The following ANKFN1 variants were observed in gnomAD, a reference collection of about 807,000 sequenced individuals.
The protein encoded by ANKFN1 is ankyrin repeat and fibronectin type-III domain-containing protein 1.
In ANKFN1, 74 loss-of-function variants were observed where a neutral mutation model predicts 108.7. That is an observed-to-expected ratio of 0.68 (90% CI 0.56 to 0.83). The LOEUF is 0.83. ANKFN1 is among the 40% of genes least tolerant of loss of function. The pLI is 0.00. For synonymous variants in ANKFN1, 547 were observed against 516.2 expected (o/e 1.06, Z -0.81); for missense variants, 1,505 against 1,382.3 (o/e 1.09, Z -1.41).
chr17:56,279,039 T>G (rs1033520275), intron 3 of ANKFN1, among the ~76,000 whole-genome samples: 4 of 152,238 alleles, frequency 2.6e-5, no homozygotes, highest in African/African-American at 9.6e-5. Flanking sequence ...GTTTTTCTTC[T>G]TTAGTAAGAT....
intron 3 of ANKFN1, among the ~76,000 whole-genome samples, chr17:56,238,076 T>C (rs1917289230): frequency 6.6e-6 from 1 of 152,196 alleles, no homozygotes; most frequent in African/African-American, 2.4e-5. Context: ...TTCCATGTAA[T>C]TGCATGACTT....
At chr17:56,120,364 A>T (rs913024852) in intron 4 of ANKFN1, among the ~76,000 whole-genome samples, 11 of 152,100 alleles carry the variant, frequency 7.2e-5, no homozygotes, top group Admixed American at 7.2e-4. Context: ...TTGATCTATG[A>T]TATTTTCTCC....
At chr17:56,370,656 C>T (rs949996227) in intron 6 of ANKFN1, among the ~76,000 whole-genome samples, 5 of 152,078 alleles carry the variant, frequency 3.3e-5, no homozygotes, top group Non-Finnish European at 7.4e-5. Flanking sequence ...AATTAATCAA[C>T]CTGAAAACTG....
intron 1 of ANKFN1, among the ~76,000 whole-genome samples, chr17:56,154,453 C>T (rs1306415986): frequency 6.6e-6 from 1 of 152,096 alleles, no homozygotes; most frequent in African/African-American, 2.4e-5. Context: ...GAGGCCAGAG[C>T]ACCGTTCAGT....
intron 18 of ANKFN1, among the ~76,000 whole-genome samples, chr17:56,484,737 CA>C (rs1391443602): frequency 6.6e-6 from 1 of 152,174 alleles, no homozygotes; most frequent in Non-Finnish European, 1.5e-5. Flanking sequence ...ATATAATTGA[CA>C]GAGAAAAGAA....
intron 3 of ANKFN1, among the ~76,000 whole-genome samples, chr17:56,285,600 A>G (rs2044193768): frequency 6.6e-6 from 1 of 152,014 alleles, no homozygotes; most frequent in South Asian, 2.1e-4. Flanking sequence ...CTGTCATTAA[A>G]ACTGGGCTCC....
In ANKFN1 at chr17:56,479,781, A is replaced by T. The variant is rs1021835032; in HGVS notation, c.1941-887A>T. On this transcript the variant is annotated intron_variant, in intron 16 of 20. Coordinates refer to ENST00000682825, the MANE Select transcript of ANKFN1 (RefSeq NM_001370326.1). The stretch of plus-strand genomic sequence containing the variant: ...ACCTCCTCTCTTTCCATCCCCTGAG[A>T]GGAGGGCTTTCCTTTCCTCTCTAGC... 2.0e-5 allele frequency among the ~76,000 whole-genome samples: 3 copies of T among 152,286 alleles called. No homozygotes were observed. The South Asian group carries it at 6.2e-4, about 32-fold the overall frequency.
Position 56,302,453 on chromosome 17 carries a change from T to A in ANKFN1, c.54-23768T>A, listed in dbSNP as rs376087394. 1.3e-4 allele frequency among the ~76,000 whole-genome samples: 18 copies of A among 142,942 alleles called. No individual in the cohort carries two copies. The East Asian group carries it at 1.6e-3, about 13-fold the overall frequency. 93.8% of individuals were successfully genotyped at this position (142,942 alleles called of 152,430 possible). A position where few individuals can be genotyped will look rare whatever the true frequency, so the allele number is the denominator to read the frequency against. ...TTGCTTGAGCCCAGGAGTTTAAAGC[T>A]GCAGTGAGCCATAATCACATCACTG... On this transcript the variant is annotated intron_variant, in intron 3 of 20. Coordinates refer to ENST00000682825, the MANE Select transcript of ANKFN1 (RefSeq NM_001370326.1).
chr17:56,160,027 G>A (rs1909498676), intron 1 of ANKFN1, among the ~76,000 whole-genome samples: 1 of 152,174 alleles, frequency 6.6e-6, no homozygotes, highest in Non-Finnish European at 1.5e-5. Context: ...TGTTTGCAGG[G>A]CAAAATAGTC....
Position 56,322,505 on chromosome 17 carries a change from ATGGTGTTCGAGCTCTCCCC to A in ANKFN1, c.54-3715_54-3697del, listed in dbSNP as rs2045400393. On this transcript the variant is annotated intron_variant, in intron 3 of 20. Coordinates refer to ENST00000682825, the MANE Select transcript of ANKFN1 (RefSeq NM_001370326.1). ...TGGCATAACATCCAAACTCTTTAAC[ATGGTGTTCGAGCTCTCCCC>A]AATTTAGCTCCTGCTTACTTTTTGA... 2.0e-5 allele frequency among the ~76,000 whole-genome samples: 3 copies of A among 152,176 alleles called. No homozygotes were observed. The South Asian group carries it at 6.2e-4, about 32-fold the overall frequency.
At chr17:56,211,414 A>T (rs145624226) in intron 1 of ANKFN1, among the ~76,000 whole-genome samples, 2,414 of 152,224 alleles carry the variant, frequency 0.016, 52 homozygotes, top group African/African-American at 0.055. Flanking sequence ...GGTGAACGTA[A>T]GTATTTAGCT....
At position 56,466,579 on chromosome 17, in the gene ANKFN1, G is replaced by A. The variant is rs759840995; in HGVS notation, c.1773+8G>A. Reference sequence around the variant, plus strand: ...CTACTGATAACCATCCAGGTATGTAGTTTTTTTCTTAATTCCCGGGTATAC... The same window carrying A: ...CTACTGATAACCATCCAGGTATGTAATTTTTTTCTTAATTCCCGGGTATAC... On this transcript the variant is annotated splice_region_variant and intron_variant, in intron 15 of 20. Transcript: ENST00000682825. 1.3e-6 allele frequency: 2 copies of A among 1,593,558 alleles called. No homozygotes were observed. Among genetic ancestry groups the A allele is most frequent in the Non-Finnish European group, 1.7e-6 (2 of 1,169,076 alleles).
chr17:56,074,834 G>C (rs2143147779), intron 4 of ANKFN1, among the ~76,000 whole-genome samples: 1 of 152,294 alleles, frequency 6.6e-6, no homozygotes, highest in Middle Eastern at 3.4e-3. Context: ...TGTTGCTTTA[G>C]GAGAGTCAGG....
At chr17:56,129,421 G>A (rs1000724416) in intron 4 of ANKFN1, among the ~76,000 whole-genome samples, 1 of 151,634 alleles carries the variant, frequency 6.6e-6, no homozygotes, top group Non-Finnish European at 1.5e-5. Flanking sequence ...TCAATGTTGT[G>A]ATCTAGTTTT....
At chr17:56,240,047 A>G (rs184098511) in intron 3 of ANKFN1, among the ~76,000 whole-genome samples, 84 of 152,272 alleles carry the variant, frequency 5.5e-4, no homozygotes, top group Non-Finnish European at 1.1e-3. Flanking sequence ...ATGAGTAACT[A>G]TGTTTTGTCA....
At chr17:56,412,514 C>T (rs182198118) in intron 8 of ANKFN1, among the ~76,000 whole-genome samples, 138 of 152,282 alleles carry the variant, frequency 9.1e-4, no homozygotes, top group African/African-American at 3.2e-3. Context: ...AACTAATCAG[C>T]TACCAGCATG....
At chr17:56,231,022 A>G (rs1197740925) in intron 3 of ANKFN1, among the ~76,000 whole-genome samples, 6 of 152,106 alleles carry the variant, frequency 3.9e-5, no homozygotes, top group African/African-American at 1.4e-4. Context: ...GGAAGAAACA[A>G]CTTTTAATAA....
At chr17:56,269,423 C>T (rs2043735523) in intron 3 of ANKFN1, among the ~76,000 whole-genome samples, 2 of 152,170 alleles carry the variant, frequency 1.3e-5, no homozygotes, top group South Asian at 2.1e-4. Flanking sequence ...GGAGTTGTCA[C>T]CCATTTTACA....
chr17:56,348,466 C>G (rs1289648512), intron 4 of ANKFN1, among the ~76,000 whole-genome samples: 2 of 152,016 alleles, frequency 1.3e-5, no homozygotes, highest in African/African-American at 4.8e-5. Flanking sequence ...TCAGAGGGAA[C>G]AGACAACCTA....
Sources: allele counts gnomAD v4.1 joint callset (sites outside exome capture counted in the v4.1 genomes callset), GRCh38; gene constraint gnomAD v4.1.1; transcripts MANE v1.5; gene names NCBI Gene and HGNC (gene_info 2026-07-23, HGNC 2026-07-21).